Variants in PTPRT observed in about 807,000 individuals in gnomAD.
PTPRT encodes the protein protein tyrosine phosphatase receptor type T.
A neutral mutation model predicts 176.8 loss-of-function variants in PTPRT; 56 were observed. That is an observed-to-expected ratio of 0.32 (90% CI 0.26 to 0.40). The LOEUF (loss-of-function observed/expected upper bound fraction) is 0.40. Ranked by LOEUF, PTPRT falls within the 10% of genes least tolerant of loss-of-function variation. The pLI, the probability that PTPRT is intolerant of heterozygous loss-of-function variation, is 1.00. For synonymous variants in PTPRT, 783 were observed against 739.0 expected (o/e 1.06, Z -0.96); for missense variants, 1,540 against 1,908.2 (o/e 0.81, Z 3.60).
rs924482617 is a variant in PTPRT, at chr20:42,157,200, A to G, written c.2682+4152T>C. On this transcript the variant is annotated intron_variant, in intron 17 of 30. Coordinates refer to ENST00000373187, the MANE Select transcript of PTPRT (RefSeq NM_007050.6). ...CCATGTCTATATTCCAAGTTTCGTC[A>G]TCTAATTAAGGACTATCCTTTTATC... 9.2e-5 allele frequency among the ~76,000 whole-genome samples: 14 copies of G among 152,174 alleles called. No individual in the cohort carries two copies. The South Asian group carries it at 2.9e-3, about 32-fold the overall frequency.
chr20:43,172,200 G>T (rs990268055), intron 1 of PTPRT, among the ~76,000 whole-genome samples: 1 of 152,174 alleles, frequency 6.6e-6, no homozygotes, highest in Non-Finnish European at 1.5e-5. Flanking sequence ...TCTGTTTTCT[G>T]TTAAGATCCG....
intron 9 of PTPRT, among the ~76,000 whole-genome samples, chr20:42,378,992 C>A (rs1195417522): frequency 2.0e-5 from 3 of 152,250 alleles, no homozygotes; most frequent in Non-Finnish European, 4.4e-5. Context: ...GTCTCCAAGG[C>A]AACCATTCCC....
Position 42,472,509 on chromosome 20 carries a change from G to C in PTPRT, c.1207C>G (p.Leu403Val). 2 of 1,614,226 alleles carry C rather than the reference G, an allele frequency of 1.2e-6. No homozygotes were observed. The highest frequency in any genetic ancestry group is 1.6e-4 in the Middle Eastern group (1 of 6,062). ...VEIVDIRARQ[L>V]TLQWEPFGYA... ...CCGAAGGGCTCCCACTGCAGGGTCA[G>C]CTGCCGGGCTCTGATGTCTACGATT... The change falls in exon 8 of 31, where the codon CTG (leucine) becomes GTG (valine). Residue 403 changes from leucine to valine, a missense_variant. Transcript: ENST00000373187.
intron 7 of PTPRT, among the ~76,000 whole-genome samples, chr20:42,599,689 G>T (rs1307935839): frequency 6.6e-6 from 1 of 152,084 alleles, no homozygotes; most frequent in East Asian, 1.9e-4. Flanking sequence ...TCTTTACACA[G>T]AACTGGCCGC....
chr20:42,636,090 A>T (rs1398290611), intron 7 of PTPRT, among the ~76,000 whole-genome samples: 1 of 152,184 alleles, frequency 6.6e-6, no homozygotes, highest in Non-Finnish European at 1.5e-5. Flanking sequence ...ATTAGGCTAC[A>T]GTAACCTCGA....
chr20:42,867,808 A>G (rs2078774731), intron 2 of PTPRT, among the ~76,000 whole-genome samples: 1 of 151,444 alleles, frequency 6.6e-6, no homozygotes, highest in Admixed American at 6.6e-5. Context: ...CAGCCTCCCA[A>G]GAAGCTGGGA....
At chr20:43,001,082 T>A (rs999686638) in intron 1 of PTPRT, among the ~76,000 whole-genome samples, 1 of 151,738 alleles carries the variant, frequency 6.6e-6, no homozygotes, top group Admixed American at 6.6e-5. Flanking sequence ...GTTATTCATA[T>A]AAAGGGTGAA....
At chr20:42,497,386 G>T (rs954884024) in intron 7 of PTPRT, among the ~76,000 whole-genome samples, 1 of 151,642 alleles carries the variant, frequency 6.6e-6, no homozygotes, top group African/African-American at 2.4e-5. Context: ...TTTTCTTAAT[G>T]GCATCTGGGG....
chr20:42,913,832 G>A (rs1258245558), intron 1 of PTPRT, among the ~76,000 whole-genome samples: 3 of 152,166 alleles, frequency 2.0e-5, no homozygotes, highest in African/African-American at 7.2e-5. Flanking sequence ...CAAGCATTGG[G>A]GGTGTTGGGT....
rs761655022 is a variant in PTPRT at position 42,104,556 on chromosome 20, G to A, written c.3540+13C>T. On this transcript the variant is annotated intron_variant, in intron 25 of 30. Coordinates refer to ENST00000373187, the MANE Select transcript of PTPRT (RefSeq NM_007050.6). ...TGACTAAGATGGTCACCGAGCCTGG[G>A]ATTTGCTCATACCTGAAATTCATCT... 8.1e-6 allele frequency: 13 copies of A among 1,608,168 alleles called. No individual in the cohort carries two copies. The African/African-American group carries it at 1.1e-4, about 13-fold the overall frequency.
At chr20:42,786,731 T>C (rs1255283844) in intron 3 of PTPRT, among the ~76,000 whole-genome samples, 1 of 152,208 alleles carries the variant, frequency 6.6e-6, no homozygotes, top group African/African-American at 2.4e-5. Flanking sequence ...TGTCTGGTCC[T>C]ATATATGGGG....
chr20:42,115,996 A>G, intron 21 of PTPRT: 1 of 716,218 alleles, frequency 1.4e-6, no homozygotes, highest in South Asian at 1.5e-5. Context: ...TGGATGAAAA[A>G]GAGATCATGG....
intron 21 of PTPRT, 35 bp downstream of exon 21, chr20:42,118,368 C>T (rs756615525): frequency 9.0e-6 from 14 of 1,547,046 alleles, no homozygotes; most frequent in Non-Finnish European, 1.1e-5. Context: ...GCATCTCCAG[C>T]ATCCTCTGCC....
At chr20:42,415,229 T>C (rs1355349239) in intron 9 of PTPRT, among the ~76,000 whole-genome samples, 1 of 152,308 alleles carries the variant, frequency 6.6e-6, no homozygotes, top group South Asian at 2.1e-4. Context: ...TTGCTCAGGG[T>C]GGAGTGCAGT....
rs369911205 is a variant in PTPRT, at chr20:42,609,843, C to G, written c.1153+68023G>C. ...GGCAATTGGATAAACACATTCAGAA[C>G]AGGATGAATGTGCAGCCGAGCGTGA... On this transcript the variant is annotated intron_variant, in intron 7 of 30. Coordinates refer to ENST00000373187, the MANE Select transcript of PTPRT (RefSeq NM_007050.6). Among the ~76,000 whole-genome samples, 12 of 152,314 alleles carry G rather than the reference C, an allele frequency of 7.9e-5. No individual in the cohort carries two copies. The East Asian group carries it at 1.9e-3, about 24-fold the overall frequency.
At chr20:42,642,577 T>C (rs2074784070) in intron 7 of PTPRT, among the ~76,000 whole-genome samples, 2 of 152,178 alleles carry the variant, frequency 1.3e-5, no homozygotes, top group Non-Finnish European at 2.9e-5. Context: ...TTATCCCACC[T>C]AATCCTCATA....
intron 7 of PTPRT, among the ~76,000 whole-genome samples, chr20:42,480,643 A>G (rs2071369091): frequency 6.6e-6 from 1 of 152,174 alleles, no homozygotes. Flanking sequence ...GAAGCTTGAT[A>G]AGTCTTTTGC....
At chr20:42,041,376 AT>A in the PTPRT span, among the ~76,000 whole-genome samples, 1 of 152,196 alleles carries the variant, frequency 6.6e-6, no homozygotes, top group Admixed American at 6.5e-5. Flanking sequence ...AATGGTGAGC[AT>A]TTCTGCCACC....
chr20:42,142,500 C>T (rs980736685), intron 17 of PTPRT, among the ~76,000 whole-genome samples: 1 of 152,152 alleles, frequency 6.6e-6, no homozygotes, highest in Non-Finnish European at 1.5e-5. Context: ...AGAATTATTT[C>T]AGATTATACA....
Sources: allele counts gnomAD v4.1 joint callset (sites outside exome capture counted in the v4.1 genomes callset), GRCh38; gene constraint gnomAD v4.1.1; transcripts MANE v1.5; gene names NCBI Gene and HGNC (gene_info 2026-07-23, HGNC 2026-07-21).